XYLT1: variants seen among roughly 807,000 people sequenced by gnomAD.
The protein encoded by XYLT1 is beta-D-xylosyltransferase 1.
XYLT1 carries 36 observed loss-of-function variants against 91.3 expected under a neutral mutation model. The observed-to-expected ratio is 0.39, with a 90% confidence interval of 0.30 to 0.52. The LOEUF (loss-of-function observed/expected upper bound fraction) is 0.52. XYLT1 is among the 20% of genes least tolerant of loss of function. The pLI is 0.68. For synonymous variants in XYLT1, 588 were observed against 532.0 expected, an observed-to-expected ratio of 1.11 and a Z score of -1.45; for missense variants, 1,242 against 1,284.5, an observed-to-expected ratio of 0.97 and a Z score of 0.51.
intron 2 of XYLT1, chr16:17,354,713 A>T (rs2141859453): frequency 6.6e-6 from 1 of 152,290 alleles, no homozygotes; most frequent in East Asian, 1.9e-4. Context: ...TGCAGAGTTA[A>T]TTCTTCCAAG....
chr16:17,120,555 A>AT (rs1487116207), intron 10 of XYLT1, among the ~76,000 whole-genome samples: 11 of 152,044 alleles, frequency 7.2e-5, no homozygotes, highest in African/African-American at 2.4e-4. Context: ...TGTAATCTAG[A>AT]TTTTGGCTCA....
chr16:17,390,015 C>T (rs2035796439), intron 1 of XYLT1, among the ~76,000 whole-genome samples: 1 of 152,130 alleles, frequency 6.6e-6, no homozygotes, highest in African/African-American at 2.4e-5. Context: ...CATTTGCACA[C>T]AATTAAATAA....
At chr16:17,125,133 G>A (rs926648848) in intron 10 of XYLT1, among the ~76,000 whole-genome samples, 1 of 152,160 alleles carries the variant, frequency 6.6e-6, no homozygotes, top group African/African-American at 2.4e-5. Flanking sequence ...GTGAGCTAGT[G>A]TGATCTTTTG....
chr16:17,168,552 T>C (rs533463246), intron 5 of XYLT1, among the ~76,000 whole-genome samples: 45 of 152,014 alleles, frequency 3.0e-4, no homozygotes, highest in African/African-American at 1.0e-3. Context: ...AATATACCCC[T>C]GGAGCAAACC....
rs113083003 is a variant in XYLT1, at chr16:17,349,904, C to T, written c.402+8108G>A. Among the ~76,000 whole-genome samples the T allele has an allele frequency of 4.4e-3, 669 of 151,748 alleles. 7 individuals carry two copies. Among genetic ancestry groups the T allele is most frequent in the African/African-American group, 0.015 (628 of 41,312 alleles). On this transcript the variant is annotated intron_variant, in intron 2 of 11. Coordinates refer to ENST00000261381, the MANE Select transcript of XYLT1 (RefSeq NM_022166.4). The stretch of plus-strand genomic sequence containing the variant: ...GATCTTTTTTTTTTAGACGGAGTCT[C>T]GCTCTGTTGCCCAGGCTGGAGTGCA...
chr16:17,281,902 G>A (rs1248863832), intron 2 of XYLT1, among the ~76,000 whole-genome samples: 2 of 152,066 alleles, frequency 1.3e-5, no homozygotes, highest in African/African-American at 4.8e-5. Flanking sequence ...TGGTTCTATG[G>A]GCCATACCTG....
In XYLT1 at chr16:17,419,942, A is replaced by G. The variant is rs184969811; in HGVS notation, c.363+50492T>C. 3.4e-4 allele frequency among the ~76,000 whole-genome samples: 52 copies of G among 152,272 alleles called. No individual in the cohort carries two copies. In the East Asian group the frequency reaches 9.5e-3, roughly 28 times the overall value. On this transcript the variant is annotated intron_variant, in intron 1 of 11. Coordinates refer to ENST00000261381, the MANE Select transcript of XYLT1 (RefSeq NM_022166.4). ...ATTTCCCCTCACTGGCCCTCAAAGA[A>G]CTATTTGTTGATAAATAATGAATCC...
intron 3 of XYLT1, among the ~76,000 whole-genome samples, chr16:17,204,355 A>G (rs1424922480): frequency 6.6e-6 from 1 of 152,196 alleles, no homozygotes; most frequent in Non-Finnish European, 1.5e-5. Flanking sequence ...CACTCCAGCA[A>G]GAGAGCTCCC....
chr16:17,119,627 A>C (rs2029977371), intron 10 of XYLT1, among the ~76,000 whole-genome samples: 1 of 152,222 alleles, frequency 6.6e-6, no homozygotes, highest in Non-Finnish European at 1.5e-5. Flanking sequence ...CTGAGGGATT[A>C]CAGTGTGCCA....
intron 2 of XYLT1, among the ~76,000 whole-genome samples, chr16:17,269,086 C>T (rs190123496): frequency 1.3e-5 from 2 of 152,314 alleles, no homozygotes; most frequent in African/African-American, 2.4e-5. Flanking sequence ...CTCTAGTCAG[C>T]CTCCTCTGCC....
intron 3 of XYLT1, among the ~76,000 whole-genome samples, chr16:17,254,055 A>C (rs1304905945): frequency 6.6e-6 from 1 of 152,152 alleles, no homozygotes; most frequent in Non-Finnish European, 1.5e-5. Flanking sequence ...CGATTTCCTC[A>C]CTGACAAAAA....
At chr16:17,164,793 C>T (rs571263225) in intron 5 of XYLT1, among the ~76,000 whole-genome samples, 7 of 152,286 alleles carry the variant, frequency 4.6e-5, no homozygotes, top group Non-Finnish European at 8.8e-5. Context: ...TTAACGACCA[C>T]GTGTCTGTAT....
At chr16:17,245,034 C>CTT (rs141470966) in intron 3 of XYLT1, among the ~76,000 whole-genome samples, 1 of 151,962 alleles carries the variant, frequency 6.6e-6, no homozygotes, top group Non-Finnish European at 1.5e-5. Flanking sequence ...AAACCACACT[C>CTT]TTTTTTTTGA....
intron 3 of XYLT1, among the ~76,000 whole-genome samples, chr16:17,236,342 G>A (rs928344955): frequency 1.3e-5 from 2 of 151,666 alleles, no homozygotes; most frequent in Non-Finnish European, 2.9e-5. Flanking sequence ...CTTCCTTTAC[G>A]AGTCTAAATG....
intron 2 of XYLT1, among the ~76,000 whole-genome samples, chr16:17,280,239 A>T (rs767459066): frequency 3.7e-4 from 57 of 152,160 alleles, no homozygotes; most frequent in Non-Finnish European, 7.4e-5. Flanking sequence ...AATCCCAGAT[A>T]CTCGGGAGGC....
intron 10 of XYLT1, among the ~76,000 whole-genome samples, chr16:17,124,262 T>G (rs1401389416): frequency 1.3e-5 from 2 of 152,232 alleles, no homozygotes; most frequent in African/African-American, 4.8e-5. Context: ...TTGGTTTATT[T>G]TGAGGATTTG....
At chr16:17,194,389 G>A (rs897732499) in intron 5 of XYLT1, among the ~76,000 whole-genome samples, 2 of 152,216 alleles carry the variant, frequency 1.3e-5, no homozygotes, top group Non-Finnish European at 2.9e-5. Context: ...CCTCTAGGGG[G>A]CAGCAATGCG....
chr16:17,393,407 C>T (rs937480959), intron 1 of XYLT1, among the ~76,000 whole-genome samples: 3 of 152,228 alleles, frequency 2.0e-5, no homozygotes, highest in Non-Finnish European at 2.9e-5. Context: ...ATCATCCAAA[C>T]GGTGTACATT....
chr16:17,335,195 G>C (rs1324183749), intron 2 of XYLT1, among the ~76,000 whole-genome samples: 6 of 151,876 alleles, frequency 4.0e-5, no homozygotes, highest in Non-Finnish European at 8.8e-5. Flanking sequence ...ACCCAGCCTG[G>C]GCGACAGAGT....
Sources: allele counts gnomAD v4.1 joint callset (sites outside exome capture counted in the v4.1 genomes callset), GRCh38; gene constraint gnomAD v4.1.1; transcripts MANE v1.5; gene names NCBI Gene and HGNC (gene_info 2026-07-23, HGNC 2026-07-21).